Variants in SAMD5 observed in about 807,000 individuals in gnomAD.
SAMD5 encodes the protein sterile alpha motif domain-containing protein 5.
In SAMD5, 13 loss-of-function variants were observed where a neutral mutation model predicts 11.3. The ratio of observed to expected loss-of-function variants is 1.15; its 90% CI spans 0.75 to 1.83. SAMD5 has a LOEUF of 1.83. Among genes scored for constraint, SAMD5 ranks in the 40% most tolerant of loss-of-function variants. SAMD5 has a pLI of 0.00. For synonymous variants in SAMD5, 129 were observed against 111.3 expected (o/e 1.16, Z -1.00); for missense variants, 255 against 239.1 (o/e 1.07, Z -0.44).
At chr6:147,909,632 C>CTCTCTCTCTT in the SAMD5 span, among the ~76,000 whole-genome samples, 1 of 61,160 alleles carries the variant, frequency 1.6e-5, no homozygotes, top group African/African-American at 1.2e-4. Context: ...TTCTTTCTTT[C>CTCTCTCTCTT]TCTTTCTTGT....
At chr6:147,637,345 C>G (rs577206046) in intron 1 of SAMD5, among the ~76,000 whole-genome samples, 67 of 152,190 alleles carry the variant, frequency 4.4e-4, no homozygotes, top group Non-Finnish European at 8.1e-4. Flanking sequence ...CTCCAGATCC[C>G]TAGTGAACTT....
the SAMD5 span, among the ~76,000 whole-genome samples, chr6:147,946,990 C>T: frequency 6.6e-6 from 1 of 152,074 alleles, no homozygotes; most frequent in East Asian, 1.9e-4. Context: ...AATGTTATTC[C>T]ACAAACCACC....
chr6:147,861,064 A>T, the SAMD5 span, among the ~76,000 whole-genome samples: 1 of 152,210 alleles, frequency 6.6e-6, no homozygotes, highest in Admixed American at 6.5e-5. Context: ...TTTCCCGCTG[A>T]CAGGATGAAT....
rs141745329 is a variant in SAMD5 at position 147,724,750 on chromosome 6, C to G, written c.163-12567C>G. On this transcript the variant is annotated intron_variant, in intron 1 of 1. Coordinates refer to the SAMD5 transcript ENST00000566741. The stretch of plus-strand genomic sequence containing the variant: ...CCTATTTGCAGTGTTGAAAAAAAAT[C>G]AATTTTCATCTTCAAAAGATGAAAC... 7.4e-4 allele frequency among the ~76,000 whole-genome samples: 113 copies of G among 152,122 alleles called. 3 individuals carry two copies. In the East Asian group the frequency reaches 0.02, roughly 27 times the overall value.
At chr6:147,893,355 A>G in the SAMD5 span, among the ~76,000 whole-genome samples, 2 of 152,178 alleles carry the variant, frequency 1.3e-5, no homozygotes, top group Admixed American at 1.3e-4. Flanking sequence ...TTAGTAAGTT[A>G]TGGACCCAGA....
intron 1 of SAMD5, among the ~76,000 whole-genome samples, chr6:147,585,304 A>G (rs557364379): frequency 1.1e-4 from 17 of 152,170 alleles, no homozygotes; most frequent in Non-Finnish European, 1.8e-4. Context: ...TGTAACTATT[A>G]TCAGAGGGAA....
chr6:147,513,611 A>T (rs1406749981), intron 1 of SAMD5, among the ~76,000 whole-genome samples: 1 of 152,162 alleles, frequency 6.6e-6, no homozygotes, highest in East Asian at 1.9e-4. Context: ...GAACAGCAGG[A>T]TTTCAGAGGC....
At chr6:147,525,779 C>T (rs940546996) in intron 1 of SAMD5, among the ~76,000 whole-genome samples, 10 of 152,026 alleles carry the variant, frequency 6.6e-5, no homozygotes, top group African/African-American at 2.2e-4. Flanking sequence ...TGCCAATGTC[C>T]CTGAATGTTC....
the SAMD5 span, among the ~76,000 whole-genome samples, chr6:147,769,508 T>G: frequency 1.3e-5 from 2 of 152,236 alleles, no homozygotes; most frequent in African/African-American, 4.8e-5. Flanking sequence ...TTGGGTATAA[T>G]GTCACTTTCC....
the SAMD5 span, chr6:147,743,154 A>C: frequency 2.0e-5 from 3 of 152,174 alleles, no homozygotes; most frequent in Non-Finnish European, 4.4e-5. Flanking sequence ...GCTCAGTAAG[A>C]TCAATAATAA....
At position 147,567,684 on chromosome 6, in the gene SAMD5, C is replaced by T; in HGVS notation, c.*3228C>T. On this transcript the variant is annotated 3_prime_UTR_variant, in exon 2 of 2. Coordinates refer to ENST00000367474, the MANE Select transcript of SAMD5 (RefSeq NM_001030060.3). ...TTTACTCTCAGTTGTCTTATTTCTT[C>T]TTATGCAGAAGAGATTACCTTAAAG... is the stretch of plus-strand genomic sequence containing the variant. 11 of 985,356 alleles carry T rather than the reference C, an allele frequency of 1.1e-5. No homozygotes were observed. The highest frequency in any genetic ancestry group is 1.2e-5 in the Non-Finnish European group (10 of 829,902). 61.0% of individuals were successfully genotyped at this position (985,356 alleles called of 1,614,324 possible).
intron 1 of SAMD5, among the ~76,000 whole-genome samples, chr6:147,656,165 T>C (rs529666909): frequency 3.5e-4 from 53 of 152,246 alleles, no homozygotes; most frequent in Admixed American, 5.9e-4. Context: ...CTGTTGCTCA[T>C]ACCACACACA....
intron 1 of SAMD5, among the ~76,000 whole-genome samples, chr6:147,655,382 T>A (rs12663247): frequency 0.091 from 13,783 of 152,184 alleles, 921 homozygotes; most frequent in East Asian, 0.26. Context: ...AACTAAAAAA[T>A]TCAATTATTT....
At chr6:147,827,518 C>T in the SAMD5 span, among the ~76,000 whole-genome samples, 2 of 152,270 alleles carry the variant, frequency 1.3e-5, no homozygotes, top group East Asian at 3.9e-4. Context: ...TGGTCTTCCA[C>T]CTCATCTAAC....
intron 1 of SAMD5, among the ~76,000 whole-genome samples, chr6:147,628,378 A>C (rs1790089379): frequency 6.6e-6 from 1 of 152,214 alleles, no homozygotes; most frequent in Non-Finnish European, 1.5e-5. Flanking sequence ...AAAAATGATA[A>C]ACTTTATGCC....
chr6:147,556,259 AT>A (rs1415400750), intron 1 of SAMD5, among the ~76,000 whole-genome samples: 1 of 151,174 alleles, frequency 6.6e-6, no homozygotes, highest in Non-Finnish European at 1.5e-5. Flanking sequence ...CGCCCGGCTA[AT>A]TTTTTGTATC....
At chr6:147,625,056 G>A (rs779755732) in intron 1 of SAMD5, among the ~76,000 whole-genome samples, 5 of 152,182 alleles carry the variant, frequency 3.3e-5, no homozygotes, top group Non-Finnish European at 7.3e-5. Context: ...CACTTGAAAA[G>A]ACTGGGCGAA....
At chr6:147,663,716 C>CG (rs1218309694) in intron 1 of SAMD5, among the ~76,000 whole-genome samples, 1 of 144,142 alleles carries the variant, frequency 6.9e-6, no homozygotes, top group South Asian at 2.3e-4. Flanking sequence ...CACTTGAACC[C>CG]GGGGGGCAGA....
At chr6:147,873,945 G>A in the SAMD5 span, among the ~76,000 whole-genome samples, 3 of 152,070 alleles carry the variant, frequency 2.0e-5, no homozygotes, top group African/African-American at 7.2e-5. Flanking sequence ...TTATACATAG[G>A]AAAAATAGAA....
Sources: gnomAD v4.1 joint callset for allele counts (sites outside exome capture counted in the v4.1 genomes callset) on GRCh38, gnomAD v4.1.1 for gene constraint, MANE v1.5 for transcripts, NCBI Gene and HGNC (gene_info 2026-07-23, HGNC 2026-07-21) for gene names.